PDE3A: variants seen among roughly 807,000 people sequenced by gnomAD.
The protein encoded by PDE3A is phosphodiesterase 3A.
PDE3A carries 43 observed loss-of-function variants against 98.3 expected under a neutral mutation model. The ratio of observed to expected loss-of-function variants is 0.44; its 90% CI spans 0.34 to 0.56. PDE3A has a LOEUF of 0.56. Among genes scored for constraint, PDE3A ranks in the 20% least tolerant of loss-of-function variants. The pLI is 0.01. For synonymous variants in PDE3A, 663 were observed against 567.9 expected (o/e 1.17, Z -2.38); for missense variants, 1,427 against 1,440.7 (o/e 0.99, Z 0.15).
At chr12:20,456,674 C>T (rs564652903) in intron 1 of PDE3A, among the ~76,000 whole-genome samples, 2 of 152,156 alleles carry the variant, frequency 1.3e-5, no homozygotes, top group East Asian at 3.9e-4. Flanking sequence ...ATATGTGTGT[C>T]CATGGGTAGA....
At chr12:20,508,620 CG>C (rs1193987357) in intron 1 of PDE3A, among the ~76,000 whole-genome samples, 2 of 151,836 alleles carry the variant, frequency 1.3e-5, no homozygotes, top group African/African-American at 4.8e-5. Context: ...CCTTTAAAGT[CG>C]GCAGTTTGAA....
chr12:20,630,007 T>C lies in PDE3A; in HGVS notation c.1640T>C (p.Phe547Ser). The change falls in exon 6 of 16, where the codon TTT (phenylalanine) becomes TCT (serine). Residue 547 changes from phenylalanine (F) to serine (S), a missense_variant. By Grantham distance (155) the Phe-to-Ser change is radical. Transcript: ENST00000359062. ...SLVSKISAVQ[F>S]PESADTTAKQ... ...GTCAGCAAAATTTCTGCAGTGCAGT[T>C]TCCAGAATCTGCTGACACAACTGCC... The C allele has an allele frequency of 1.2e-6, 2 of 1,613,976 alleles. No homozygotes were observed. The highest frequency in any genetic ancestry group is 1.3e-5 in the African/African-American group (1 of 75,028).
intron 1 of PDE3A, among the ~76,000 whole-genome samples, chr12:20,424,972 G>A (rs1187416944): frequency 6.6e-6 from 1 of 152,194 alleles, no homozygotes; most frequent in Non-Finnish European, 1.5e-5. Flanking sequence ...GTAATGAGAT[G>A]CTCTTAGTTT....
intron 1 of PDE3A, among the ~76,000 whole-genome samples, chr12:20,469,502 A>G (rs924806771): frequency 2.6e-5 from 4 of 152,196 alleles, no homozygotes; most frequent in African/African-American, 9.6e-5. Flanking sequence ...AATTGCCTTC[A>G]GAGTTACTTT....
chr12:20,482,606 TCTGA>T (rs1945651407), intron 1 of PDE3A, among the ~76,000 whole-genome samples: 2 of 152,234 alleles, frequency 1.3e-5, no homozygotes, highest in Non-Finnish European at 2.9e-5. Flanking sequence ...ACTAAGTATG[TCTGA>T]CTGTTTTAGA....
chr12:20,606,205 C>CT (rs947752116), intron 2 of PDE3A, among the ~76,000 whole-genome samples: 22 of 151,774 alleles, frequency 1.4e-4, no homozygotes, highest in Admixed American at 9.2e-4. Flanking sequence ...TGTGTATCTG[C>CT]TTTTTTTTGT....
chr12:20,666,068 A>G (rs1820781934), intron 15 of PDE3A, among the ~76,000 whole-genome samples: 1 of 150,458 alleles, frequency 6.6e-6, no homozygotes, highest in African/African-American at 2.5e-5. Context: ...CCTGGGTTGA[A>G]GTGATTCTCC....
At chr12:20,386,112 A>AATATATATAAAT (rs1943778339) in intron 1 of PDE3A, among the ~76,000 whole-genome samples, 2 of 23,234 alleles carry the variant, frequency 8.6e-5, no homozygotes, top group South Asian at 1.9e-3. Flanking sequence ...TATATATATA[A>AATATATATAAAT]ATATATATAA....
At chr12:20,621,445 T>C (rs1944135623) in intron 5 of PDE3A, 34 bp downstream of exon 5, 1 of 1,114,350 alleles carries the variant, frequency 9.0e-7, no homozygotes, top group East Asian at 2.4e-5. Context: ...GTTCATACTG[T>C]GAGTGTGGAG....
Position 20,556,662 on chromosome 12 carries a change from C to T in PDE3A, c.963C>T (p.Leu321=), listed in dbSNP as rs752430662. 1.1e-5 allele frequency: 18 copies of T among 1,584,748 alleles called. No individual in the cohort carries two copies. The South Asian group carries it at 1.9e-4, about 17-fold the overall frequency. The part of the protein sequence containing the change: ...TSLPCIPREQ[L]MGHSEWDHKR... ...TATTATAATTTTCATCTTTCCAGCT[C>T]ATGGGGCATTCAGAATGGGACCACA... Residue 321 remains leucine, a splice_region_variant and synonymous_variant, in exon 2 of 16, where the codon CTC becomes CTT. Transcript: ENST00000359062.
At chr12:20,505,909 G>T (rs1946108329) in intron 1 of PDE3A, among the ~76,000 whole-genome samples, 1 of 152,028 alleles carries the variant, frequency 6.6e-6, no homozygotes, top group Non-Finnish European at 1.5e-5. Flanking sequence ...TGTATAAGGT[G>T]ATAAGGCGCC....
chr12:20,466,601 G>A (rs1438349204), intron 1 of PDE3A, among the ~76,000 whole-genome samples: 3 of 152,080 alleles, frequency 2.0e-5, no homozygotes, highest in Non-Finnish European at 4.4e-5. Flanking sequence ...TATGACTAGT[G>A]TATTATTTTT....
chr12:20,486,400 T>C (rs1027463971), intron 1 of PDE3A, among the ~76,000 whole-genome samples: 6 of 152,138 alleles, frequency 3.9e-5, no homozygotes, highest in Non-Finnish European at 8.8e-5. Context: ...CATGATTCAA[T>C]TACATCCACT....
intron 1 of PDE3A, among the ~76,000 whole-genome samples, chr12:20,417,979 C>T (rs1278674503): frequency 6.6e-6 from 1 of 151,792 alleles, no homozygotes; most frequent in Non-Finnish European, 1.5e-5. Context: ...GATGGGAGAG[C>T]CGGGATTGGA....
chr12:20,465,124 A>G (rs1181685900), intron 1 of PDE3A, among the ~76,000 whole-genome samples: 1 of 152,184 alleles, frequency 6.6e-6, no homozygotes, highest in Non-Finnish European at 1.5e-5. Context: ...ATTAAATTCC[A>G]GGTCTAAGTT....
At chr12:20,511,016 A>G (rs1946211342) in intron 1 of PDE3A, among the ~76,000 whole-genome samples, 1 of 152,134 alleles carries the variant, frequency 6.6e-6, no homozygotes, top group South Asian at 2.1e-4. Context: ...CAGCCACATG[A>G]TGAAAAGGAC....
intron 2 of PDE3A, among the ~76,000 whole-genome samples, chr12:20,593,988 G>T (rs1334722756): frequency 6.6e-6 from 1 of 152,140 alleles, no homozygotes; most frequent in Non-Finnish European, 1.5e-5. Flanking sequence ...TGCCTGAGGT[G>T]CTAGGCTTCA....
chr12:20,501,923 A>T (rs1946033088), intron 1 of PDE3A, among the ~76,000 whole-genome samples: 1 of 152,160 alleles, frequency 6.6e-6, no homozygotes. Context: ...TATTAAATAT[A>T]TACAGACTCA....
intron 15 of PDE3A, among the ~76,000 whole-genome samples, chr12:20,658,363 A>G (rs1452704645): frequency 6.6e-6 from 1 of 152,190 alleles, no homozygotes; most frequent in African/African-American, 2.4e-5. Flanking sequence ...ACTTACATCC[A>G]GCCCAGGTAC....
Sources: gnomAD v4.1 joint callset for allele counts (sites outside exome capture counted in the v4.1 genomes callset) on GRCh38, gnomAD v4.1.1 for gene constraint, MANE v1.5 for transcripts, NCBI Gene and HGNC (gene_info 2026-07-23, HGNC 2026-07-21) for gene names.